Variants in FAM76B observed in about 807,000 individuals in gnomAD.
The protein encoded by FAM76B is protein FAM76B.
FAM76B carries 16 observed loss-of-function variants against 51.8 expected under a neutral mutation model. The observed-to-expected ratio is 0.31, with a 90% CI of 0.21 to 0.47. The LOEUF is 0.47. Ranked by LOEUF, FAM76B falls within the 20% of genes least tolerant of loss-of-function variation. The pLI is 1.00. For synonymous variants in FAM76B, 166 were observed against 129.5 expected (o/e 1.28, Z -1.91); for missense variants, 342 against 392.6 (o/e 0.87, Z 1.09).
At chr11:95,773,080 G>T (rs551098028) in intron 9 of FAM76B, among the ~76,000 whole-genome samples, 1 of 150,966 alleles carries the variant, frequency 6.6e-6, no homozygotes, top group African/African-American at 2.4e-5. Context: ...ATCTAAAAAT[G>T]TTTATACTGA....
chr11:95,782,994 G>A, intron 5 of FAM76B, 71 bp downstream of exon 5: 1 of 1,571,324 alleles, frequency 6.4e-7, no homozygotes, highest in East Asian at 2.2e-5. Flanking sequence ...ATATTTGCAA[G>A]AAGTAAACAT....
intron 4 of FAM76B, among the ~76,000 whole-genome samples, chr11:95,784,570 A>ATG (rs1204603965): frequency 6.7e-6 from 1 of 148,706 alleles, no homozygotes; most frequent in Non-Finnish European, 1.5e-5. Flanking sequence ...GTGTGTATAT[A>ATG]TACACACACA....
chr11:95,772,325 T>C (rs753521624), intron 9 of FAM76B, among the ~76,000 whole-genome samples: 18 of 151,160 alleles, frequency 1.2e-4, no homozygotes, highest in Non-Finnish European at 2.4e-4. Context: ...CTTGAATTTT[T>C]ACAAAGATTC....
At chr11:95,779,534 G>C in intron 7 of FAM76B, 73 bp downstream of exon 7, 1 of 1,237,974 alleles carries the variant, frequency 8.1e-7, no homozygotes, top group Non-Finnish European at 1.1e-6. Context: ...TTTTTATCTA[G>C]TAATAACTGG....
intron 8 of FAM76B, among the ~76,000 whole-genome samples, chr11:95,778,343 G>C (rs542183290): frequency 8.5e-4 from 128 of 151,422 alleles, no homozygotes; most frequent in African/African-American, 2.9e-3. Context: ...TGAGCTTTTA[G>C]ACATCTATTG....
At chr11:95,775,006 A>G (rs899504693) in intron 9 of FAM76B, among the ~76,000 whole-genome samples, 1 of 151,086 alleles carries the variant, frequency 6.6e-6, no homozygotes. Context: ...ACAATGTGAA[A>G]AAAAAAAAAC....
At position 95,788,505 on chromosome 11, in the gene FAM76B, T is replaced by C; in HGVS notation, c.146A>G (p.Gln49Arg). Residue 49 changes from glutamine (Q) to arginine (R), a missense_variant, in exon 2 of 10, where the codon CAA becomes CGA. Coordinates refer to ENST00000358780, the MANE Select transcript of FAM76B (RefSeq NM_144664.5). ...AACTATTCAGTATACAAACCTCTCT[T>C]GTTGAAATTCTGATCTGCAGTAAGT... Reference protein sequence around the residue: ...KCTYCRSEFQQESKTNTICKK... With the variant: ...KCTYCRSEFQRESKTNTICKK... 6.2e-7 allele frequency: 1 copy of C among 1,612,002 alleles called. No homozygotes were observed. Among genetic ancestry groups the C allele is most frequent in the Non-Finnish European group, 8.5e-7 (1 of 1,178,654 alleles).
chr11:95,775,076 C>A (rs1859936342), intron 9 of FAM76B, among the ~76,000 whole-genome samples: 1 of 150,774 alleles, frequency 6.6e-6, no homozygotes, highest in South Asian at 2.1e-4. Flanking sequence ...CCAAGTCTGA[C>A]GTCTGTGTGC....
chr11:95,771,532 T>C lies in FAM76B; in HGVS notation c.*29A>G, dbSNP rs1565282205. ...ATTTTTTTTCCCCAAATTTACATTG[T>C]AAGAAGAAATGCTAAACAAATGACT... On this transcript the variant is annotated 3_prime_UTR_variant, in exon 10 of 10. Coordinates refer to ENST00000358780, the MANE Select transcript of FAM76B (RefSeq NM_144664.5). 2 of 1,571,964 alleles carry C rather than the reference T, an allele frequency of 1.3e-6. No individual in the cohort carries two copies. The highest frequency in any genetic ancestry group is 1.7e-5 in the Admixed American group (1 of 58,172).
intron 5 of FAM76B, 53 bp from the exon 6 acceptor site, chr11:95,779,979 C>T: frequency 6.9e-7 from 1 of 1,456,336 alleles, no homozygotes; most frequent in Non-Finnish European, 9.4e-7. Flanking sequence ...TTTAATACAT[C>T]TAAATTTAAC....
intron 5 of FAM76B, among the ~76,000 whole-genome samples, chr11:95,781,160 TAAG>T (rs1353032339): frequency 6.6e-6 from 1 of 151,720 alleles, no homozygotes; most frequent in African/African-American, 2.4e-5. Flanking sequence ...ATCTCAAAGT[TAAG>T]AATAATCACA....
intron 8 of FAM76B, 126 bp from the exon 9 acceptor site, chr11:95,776,149 G>A (rs1859997295): frequency 4.3e-6 from 2 of 461,658 alleles, no homozygotes; most frequent in African/African-American, 2.0e-5. Context: ...GCAGTTTCCT[G>A]AATTGTACAA....
At chr11:95,789,130 C>T in intron 1 of FAM76B, 2 of 1,310,990 alleles carry the variant, frequency 1.5e-6, no homozygotes, top group South Asian at 1.5e-5. Context: ...CAACCCCACT[C>T]CTGAGACCCC....
chr11:95,779,168 G>C (rs1318850962), intron 7 of FAM76B: 1 of 1,556,082 alleles, frequency 6.4e-7, no homozygotes, highest in Non-Finnish European at 8.7e-7. Context: ...TAGCTTTAAG[G>C]GGGTCAATAC....
chr11:95,780,793 T>C (rs1323425704), intron 5 of FAM76B, among the ~76,000 whole-genome samples: 1 of 152,020 alleles, frequency 6.6e-6, no homozygotes. Flanking sequence ...ATGTAATACA[T>C]ACCTTATACT....
chr11:95,771,700 A>T, intron 9 of FAM76B, 50 bp from the exon 10 acceptor site: 2 of 1,427,634 alleles, frequency 1.4e-6, no homozygotes, highest in Non-Finnish European at 2.0e-6. Context: ...AATATTATTA[A>T]GTCATGCTGA....
At chr11:95,780,888 G>A (rs1860232288) in intron 5 of FAM76B, among the ~76,000 whole-genome samples, 1 of 151,782 alleles carries the variant, frequency 6.6e-6, no homozygotes, top group South Asian at 2.1e-4. Flanking sequence ...ATATATACAT[G>A]TTTACTTGTG....
At chr11:95,788,890 G>A (rs2120325451) in intron 1 of FAM76B, 1 of 1,362,184 alleles carries the variant, frequency 7.3e-7, no homozygotes, top group Non-Finnish European at 9.6e-7. Flanking sequence ...AGGCTTTAAT[G>A]GGATGGGAGG....
In FAM76B at chr11:95,789,718, C is replaced by T; in HGVS notation, c.-240G>A. The T allele has an allele frequency of 4.1e-6, 2 of 488,382 alleles. No individual in the cohort carries two copies. The highest frequency in any genetic ancestry group is 7.2e-6 in the Non-Finnish European group (2 of 279,024). 30.3% of individuals were successfully genotyped at this position (488,382 alleles called of 1,614,324 possible). On this transcript the variant is annotated 5_prime_UTR_variant, in exon 1 of 10. Transcript: ENST00000358780. ...CGTGCCAGCCGCTCCCGCTTAGGCC[C>T]CGATAGCGGCGGAGGGAGACGAAGC...
Sources: allele counts gnomAD v4.1 joint callset (sites outside exome capture counted in the v4.1 genomes callset), GRCh38; gene constraint gnomAD v4.1.1; transcripts MANE v1.5; gene names NCBI Gene and HGNC (gene_info 2026-07-23, HGNC 2026-07-21).